TENM4: variants seen among roughly 807,000 people sequenced by gnomAD.
TENM4 encodes the protein teneurin transmembrane protein 4.
A neutral mutation model predicts 243.3 loss-of-function variants in TENM4; 82 were observed. The ratio of observed to expected loss-of-function variants is 0.34; its 90% CI spans 0.28 to 0.40. TENM4 has a LOEUF of 0.40. TENM4 is among the 10% of genes least tolerant of loss of function. TENM4 has a pLI of 1.00. For synonymous variants in TENM4, 1,412 were observed against 1,456.3 expected (o/e 0.97, Z 0.69); for missense variants, 3,138 against 3,673.3 (o/e 0.85, Z 3.77).
chr11:79,225,477 A>C (rs776760862), intron 2 of TENM4, among the ~76,000 whole-genome samples: 12 of 151,984 alleles, frequency 7.9e-5, no homozygotes, highest in Non-Finnish European at 1.6e-4. Context: ...TGGTGCCATG[A>C]TCTTAGCTCA....
At chr11:78,903,584 G>C in intron 6 of TENM4, 61 bp from the exon 7 acceptor site, 1 of 1,536,752 alleles carries the variant, frequency 6.5e-7, no homozygotes, top group East Asian at 2.4e-5. Context: ...GGCTGGAAAA[G>C]CAGCCACGGA....
chr11:79,327,904 T>G (rs1039071933), intron 1 of TENM4, among the ~76,000 whole-genome samples: 1 of 152,148 alleles, frequency 6.6e-6, no homozygotes, highest in African/African-American at 2.4e-5. Context: ...TGAAAAGGAA[T>G]GTTTCCAGGG....
chr11:79,102,933 G>A lies in TENM4; in HGVS notation c.-65-32924C>T, dbSNP rs543685502. 4.6e-5 allele frequency among the ~76,000 whole-genome samples: 7 copies of A among 152,156 alleles called. No homozygotes were observed. The East Asian group carries it at 1.4e-3, about 29-fold the overall frequency. On this transcript the variant is annotated intron_variant, in intron 4 of 33. Transcript: ENST00000278550. ...TGGCTTGTGGCTACCACATTAGACAGCATAGTTCTAAAGCCAAAACATAGC... is the reference window on the plus strand; with the variant it reads ...TGGCTTGTGGCTACCACATTAGACAACATAGTTCTAAAGCCAAAACATAGC...
chr11:79,298,516 C>G (rs1227262159), intron 1 of TENM4, among the ~76,000 whole-genome samples: 1 of 118,210 alleles, frequency 8.5e-6, no homozygotes, highest in Non-Finnish European at 1.6e-5. Context: ...AGCAAGACTC[C>G]GTCTCAAAAA....
intron 9 of TENM4, among the ~76,000 whole-genome samples, chr11:78,865,315 C>A (rs144659044): frequency 1.1e-3 from 165 of 152,302 alleles, no homozygotes; most frequent in African/African-American, 3.7e-3. Flanking sequence ...TAACAGGTTG[C>A]AGAGACGAGA....
intron 1 of TENM4, among the ~76,000 whole-genome samples, chr11:79,377,527 G>T (rs755546286): frequency 6.6e-6 from 1 of 152,116 alleles, no homozygotes; most frequent in African/African-American, 2.4e-5. Context: ...GTAACAGTTC[G>T]CACCTGCAGA....
At chr11:79,393,041 C>G (rs1858269281) in intron 1 of TENM4, among the ~76,000 whole-genome samples, 1 of 152,166 alleles carries the variant, frequency 6.6e-6, no homozygotes, top group Admixed American at 6.5e-5. Context: ...TGCCTGATAA[C>G]TCCCCTTTTC....
intron 28 of TENM4, among the ~76,000 whole-genome samples, chr11:78,696,096 G>C (rs1858955181): frequency 6.6e-6 from 1 of 151,128 alleles, no homozygotes; most frequent in South Asian, 2.1e-4. Context: ...TTTCCTCTCT[G>C]TATTTTAGTT....
At chr11:78,685,421 GC>G (rs773372605) in intron 29 of TENM4, among the ~76,000 whole-genome samples, 2 of 152,220 alleles carry the variant, frequency 1.3e-5, no homozygotes, top group Non-Finnish European at 2.9e-5. Context: ...GAAGGAAAGA[GC>G]TTGGCAGAGC....
rs1416968310 is a variant in TENM4 at position 79,006,043 on chromosome 11, A to G, written c.493+58695T>C. ...AGAATTATATTAGAAATCACCAACA[A>G]AAAGAAATGTAGGAACTCTACCTGC... On this transcript the variant is annotated intron_variant, in intron 6 of 33. Coordinates refer to ENST00000278550, the MANE Select transcript of TENM4 (RefSeq NM_001098816.3). Among the ~76,000 whole-genome samples, 12 of 152,242 alleles carry G rather than the reference A, an allele frequency of 7.9e-5. No individual in the cohort carries two copies. The East Asian group carries it at 2.3e-3, about 29-fold the overall frequency.
At chr11:79,272,772 C>T (rs60775354) in intron 2 of TENM4, among the ~76,000 whole-genome samples, 11,220 of 152,138 alleles carry the variant, frequency 0.074, 836 homozygotes, top group African/African-American at 0.18. Context: ...CTTCCCCTGG[C>T]CTGAGTTAAG....
chr11:78,926,070 CGA>C (rs1173562532), intron 6 of TENM4, among the ~76,000 whole-genome samples: 1 of 151,578 alleles, frequency 6.6e-6, no homozygotes, highest in Admixed American at 6.6e-5. Context: ...GGAGGGAAAA[CGA>C]GAGAGAAGGT....
intron 15 of TENM4, among the ~76,000 whole-genome samples, chr11:78,799,470 A>G (rs1857234790): frequency 6.6e-6 from 1 of 152,208 alleles, no homozygotes; most frequent in Admixed American, 6.5e-5. Flanking sequence ...GACTGTTTGG[A>G]TAACTTAAAT....
chr11:78,668,525 T>G (rs1858219125), intron 32 of TENM4, among the ~76,000 whole-genome samples: 3 of 152,148 alleles, frequency 2.0e-5, no homozygotes. Context: ...ATTAGCAGTT[T>G]GATTTGTGTG....
At chr11:79,117,319 C>T (rs1234804854) in intron 4 of TENM4, among the ~76,000 whole-genome samples, 1 of 152,150 alleles carries the variant, frequency 6.6e-6, no homozygotes, top group Non-Finnish European at 1.5e-5. Context: ...AAGGGGCATG[C>T]ATCTTTCTTG....
At chr11:79,383,776 G>C (rs1050984401) in intron 1 of TENM4, among the ~76,000 whole-genome samples, 1 of 152,084 alleles carries the variant, frequency 6.6e-6, no homozygotes, top group Non-Finnish European at 1.5e-5. Context: ...TGACATCCTT[G>C]ATCAACAAAA....
intron 6 of TENM4, among the ~76,000 whole-genome samples, chr11:79,008,249 G>A (rs895209281): frequency 6.6e-6 from 1 of 152,296 alleles, no homozygotes; most frequent in Non-Finnish European, 1.5e-5. Context: ...GAGACAGAGC[G>A]ATTTCAGCAC....
At chr11:79,096,917 C>CGT (rs1861093091) in intron 4 of TENM4, 1 of 95,282 alleles carries the variant, frequency 1.0e-5, no homozygotes, top group African/African-American at 3.9e-5. Flanking sequence ...CACGCACATG[C>CGT]GCGCGCGCGC....
chr11:79,406,176 G>A (rs1421576650), intron 1 of TENM4, among the ~76,000 whole-genome samples: 1 of 152,118 alleles, frequency 6.6e-6, no homozygotes, highest in East Asian at 1.9e-4. Flanking sequence ...ATTGTGGCAT[G>A]AGGCTCCTTC....
Sources: gnomAD v4.1 joint callset for allele counts (sites outside exome capture counted in the v4.1 genomes callset) on GRCh38, gnomAD v4.1.1 for gene constraint, MANE v1.5 for transcripts, NCBI Gene and HGNC (gene_info 2026-07-23, HGNC 2026-07-21) for gene names.